Variants in KIF24 observed in about 807,000 individuals in gnomAD.
The protein encoded by KIF24 is kinesin-like protein KIF24.
In KIF24, 81 loss-of-function variants were observed where a neutral mutation model predicts 118.9. The ratio of observed to expected loss-of-function variants is 0.68; its 90% CI spans 0.57 to 0.82. The LOEUF (loss-of-function observed/expected upper bound fraction) is 0.82. Ranked by LOEUF, KIF24 falls within the 40% of genes least tolerant of loss-of-function variation. The pLI, the probability that KIF24 is intolerant of heterozygous loss-of-function variation, is 0.00. For missense variants in KIF24, 1,560 were observed against 1,661.6 expected (o/e 0.94, Z 1.06); for synonymous variants, 599 against 610.0 (o/e 0.98, Z 0.27).
At chr9:34,319,521 G>A (rs776471647) in intron 1 of KIF24, 2 of 1,227,322 alleles carry the variant, frequency 1.6e-6, no homozygotes, top group African/African-American at 1.5e-5. Context: ...TGGGAGCAAG[G>A]AGCTGCGCAG....
At chr9:34,285,816 G>A (rs1038834019) in intron 6 of KIF24, among the ~76,000 whole-genome samples, 2 of 149,714 alleles carry the variant, frequency 1.3e-5, no homozygotes, top group Non-Finnish European at 3.0e-5. Flanking sequence ...AGCCAGGTGT[G>A]GTGGCATGTG....
chr9:34,266,679 GAA>G (rs1252037077), intron 8 of KIF24, among the ~76,000 whole-genome samples: 3 of 77,294 alleles, frequency 3.9e-5, no homozygotes. Context: ...CTCCATCTCA[GAA>G]AAAAAAAAAA....
chr9:34,312,064 G>A (rs772322543), intron 1 of KIF24, among the ~76,000 whole-genome samples: 38 of 152,160 alleles, frequency 2.5e-4, no homozygotes, highest in Non-Finnish European at 4.9e-4. Context: ...TACCACAGAG[G>A]ATTATAAACT....
Position 34,317,041 on chromosome 9 carries a change from G to A in KIF24, c.-25-5670C>T, listed in dbSNP as rs1027865610. 4.6e-5 allele frequency among the ~76,000 whole-genome samples: 7 copies of A among 151,994 alleles called. No individual in the cohort carries two copies. In the East Asian group the frequency reaches 9.7e-4, roughly 21 times the overall value. On this transcript the variant is annotated intron_variant, in intron 1 of 12. Coordinates refer to ENST00000402558, the MANE Select transcript of KIF24 (RefSeq NM_194313.4). ...ACCAGCCTGGCCAAAATAGTGAAAC[G>A]CCGTCTCTGCTAAAAATACAAAACA... is the stretch of plus-strand genomic sequence containing the variant.
At chr9:34,300,850 C>CAAAAAAAAAAAAAAAAAA (rs57919845) in intron 3 of KIF24, among the ~76,000 whole-genome samples, 1 of 105,676 alleles carries the variant, frequency 9.5e-6, no homozygotes, top group African/African-American at 3.9e-5. Flanking sequence ...CGGCATTTCT[C>CAAAAAAAAAAAAAAAAAA]AAAAAAAAAA....
rs182180571 is a variant in KIF24 at position 34,259,685 on chromosome 9, G to T, written c.1536C>A (p.Ile512=). The T allele has an allele frequency of 1.2e-6, 2 of 1,613,652 alleles. No homozygotes were observed. The highest frequency in any genetic ancestry group is 1.7e-6 in the Non-Finnish European group (2 of 1,179,594). Residue 512 remains isoleucine (I), a synonymous_variant, in exon 10 of 13, where the codon ATC becomes ATA. Transcript: ENST00000402558. ...KLTQVLKDSF[I]GNAKTCMIAN... ...CGATCATGCAGGTTTTGGCATTGCC[G>T]ATGAAAGAGTCCTTCAGGACCTGTC... is the stretch of plus-strand genomic sequence containing the variant.
At chr9:34,306,193 C>T in intron 3 of KIF24, 59 bp downstream of exon 3, 1 of 1,186,056 alleles carries the variant, frequency 8.4e-7, no homozygotes, top group Non-Finnish European at 1.2e-6. Context: ...AAACAAAAAG[C>T]AAAAAAAAAT....
intron 1 of KIF24, among the ~76,000 whole-genome samples, chr9:34,313,568 T>G (rs1837237439): frequency 6.6e-6 from 1 of 151,778 alleles, no homozygotes; most frequent in Non-Finnish European, 1.5e-5. Context: ...CATCTCAGCC[T>G]CCCAAGTAAC....
rs1454244703 is a variant in KIF24, at chr9:34,253,657, C to T, written c.*723G>A. On this transcript the variant is annotated 3_prime_UTR_variant, in exon 13 of 13. Transcript: ENST00000402558. ...CGGGCATTGTACAGAGGCCTTTCAC[C>T]CGAGCAAAAGTCAGGAGAAAAATTG... The T allele has an allele frequency of 6.6e-6, 1 of 152,142 alleles. No homozygotes were observed. The highest frequency in any genetic ancestry group is 1.5e-5 in the Non-Finnish European group (1 of 68,070). The allele number at this position is 152,142 out of a possible 1,614,324, so 9.4% of individuals were successfully genotyped here.
At position 34,253,227 on chromosome 9, in the gene KIF24, A is replaced by AGTT. The variant is rs1273849609; in HGVS notation, c.*1150_*1152dup. The AGTT allele has an allele frequency of 2.6e-5, 4 of 152,244 alleles. No homozygotes were observed. In the East Asian group the frequency reaches 7.7e-4, roughly 29 times the overall value. The allele number at this position is 152,244 out of a possible 1,614,324, so 9.4% of individuals were successfully genotyped here. On this transcript the variant is annotated 3_prime_UTR_variant, in exon 13 of 13. Coordinates refer to ENST00000402558, the MANE Select transcript of KIF24 (RefSeq NM_194313.4). ...AAGCCCTCCTTTTAAAACCGTAAAA[A>AGTT]GTTATCCTTTATCTGAAGGAAATAA... is the stretch of plus-strand genomic sequence containing the variant.
At chr9:34,262,686 A>G (rs1443781635) in intron 9 of KIF24, among the ~76,000 whole-genome samples, 1 of 23,960 alleles carries the variant, frequency 4.2e-5, no homozygotes, top group Non-Finnish European at 7.6e-5. Flanking sequence ...ATATATATAT[A>G]TATATATATA....
At chr9:34,294,625 T>C (rs1052431528) in intron 4 of KIF24, among the ~76,000 whole-genome samples, 11 of 152,160 alleles carry the variant, frequency 7.2e-5, no homozygotes, top group South Asian at 2.1e-4. Context: ...AACAGGAGAA[T>C]AGACAAAACA....
At chr9:34,314,477 C>T (rs1243148818) in intron 1 of KIF24, among the ~76,000 whole-genome samples, 1 of 151,978 alleles carries the variant, frequency 6.6e-6, no homozygotes, top group Non-Finnish European at 1.5e-5. Flanking sequence ...AGTTTAGACA[C>T]TTTAAAATAT....
At chr9:34,323,034 G>A (rs1046250019) in intron 1 of KIF24, among the ~76,000 whole-genome samples, 1 of 152,032 alleles carries the variant, frequency 6.6e-6, no homozygotes, top group Admixed American at 6.6e-5. Flanking sequence ...CCCCTACAAG[G>A]GAACTTATTT....
intron 1 of KIF24, among the ~76,000 whole-genome samples, chr9:34,326,623 G>A (rs910114035): frequency 9.9e-5 from 15 of 152,128 alleles, no homozygotes; most frequent in African/African-American, 3.6e-4. Context: ...GAGCACATTA[G>A]CCCAAAGGTG....
chr9:34,302,620 C>G (rs10124787), intron 3 of KIF24, among the ~76,000 whole-genome samples: 4,078 of 151,790 alleles, frequency 0.027, 186 homozygotes, highest in African/African-American at 0.094. Flanking sequence ...TGTGTGCCAC[C>G]AGGCCCAGCT....
At chr9:34,262,702 A>T (rs1835136150) in intron 9 of KIF24, among the ~76,000 whole-genome samples, 1 of 80,056 alleles carries the variant, frequency 1.2e-5, no homozygotes. Flanking sequence ...ATATATATAT[A>T]TATATATATA....
intron 6 of KIF24, among the ~76,000 whole-genome samples, chr9:34,285,324 T>G (rs1016001676): frequency 1.3e-5 from 2 of 152,318 alleles, no homozygotes; most frequent in African/African-American, 4.8e-5. Flanking sequence ...TATTACTTAT[T>G]AAAAATTGTA....
chr9:34,323,318 A>G (rs1237057239), intron 1 of KIF24, among the ~76,000 whole-genome samples: 1 of 152,222 alleles, frequency 6.6e-6, no homozygotes, highest in East Asian at 1.9e-4. Context: ...AATTACTACA[A>G]TTCCCCTCAA....
Sources: allele counts gnomAD v4.1 joint callset (sites outside exome capture counted in the v4.1 genomes callset), GRCh38; gene constraint gnomAD v4.1.1; transcripts MANE v1.5; gene names NCBI Gene and HGNC (gene_info 2026-07-23, HGNC 2026-07-21).